Variants in GAK observed in about 807,000 individuals in gnomAD.
GAK encodes cyclin G associated kinase, also known as cyclin-G-associated kinase.
A neutral mutation model predicts 143.9 loss-of-function variants in GAK; 79 were observed. The observed-to-expected ratio is 0.55, with a 90% CI of 0.46 to 0.66. GAK has a LOEUF of 0.66. Ranked by LOEUF, GAK falls within the 30% of genes least tolerant of loss-of-function variation. The pLI, the probability that GAK is intolerant of heterozygous loss-of-function variation, is 0.00. For synonymous variants in GAK, 881 were observed against 765.5 expected, an observed-to-expected ratio of 1.15 and a Z score of -2.49; for missense variants, 1,693 against 1,779.7, an observed-to-expected ratio of 0.95 and a Z score of 0.88.
intron 18 of GAK, among the ~76,000 whole-genome samples, chr4:875,345 T>G (rs537379292): frequency 6.6e-6 from 1 of 151,944 alleles, no homozygotes; most frequent in East Asian, 1.9e-4. Flanking sequence ...AGACAAGAGA[T>G]GTAAAAAAAG....
chr4:853,727 T>G (rs958557013), intron 24 of GAK: 1 of 152,480 alleles, frequency 6.6e-6, no homozygotes, highest in Non-Finnish European at 1.5e-5. Context: ...TCGGTGATGC[T>G]GGGTGTCTCA....
intron 1 of GAK, among the ~76,000 whole-genome samples, chr4:923,442 G>A (rs1174896780): frequency 6.6e-6 from 1 of 152,156 alleles, no homozygotes; most frequent in African/African-American, 2.4e-5. Context: ...GCCGAGGTGG[G>A]AGAATCACTT....
At chr4:878,510 T>C (rs1027317115) in intron 15 of GAK, among the ~76,000 whole-genome samples, 41 of 152,222 alleles carry the variant, frequency 2.7e-4, no homozygotes, top group African/African-American at 9.6e-4. Flanking sequence ...TGTGTTTTTC[T>C]ATTGTTGGGT....
chr4:870,914 C>T lies in GAK; in HGVS notation c.2055-10G>A. The stretch of plus-strand genomic sequence containing the variant: ...CGCGTCCAGGTCATACCTGCGGTTA[C>T]AAGTAGACACCACTTAGGAAGGCCA... On this transcript the variant is annotated splice_polypyrimidine_tract_variant and intron_variant, in intron 18 of 27. Transcript: ENST00000314167. 1 of 1,602,044 alleles carries T rather than the reference C, an allele frequency of 6.2e-7. No homozygotes were observed. Among genetic ancestry groups the T allele is most frequent in the Admixed American group, 1.7e-5 (1 of 57,778 alleles).
At chr4:884,898 T>C (rs1012307169) in intron 11 of GAK, among the ~76,000 whole-genome samples, 11 of 152,084 alleles carry the variant, frequency 7.2e-5, no homozygotes, top group Non-Finnish European at 1.6e-4. Flanking sequence ...TGGATAAAGG[T>C]CCAGAGAGAT....
chr4:883,245 A>C (rs1276629894), intron 13 of GAK, 70 bp downstream of exon 13: 29 of 1,553,012 alleles, frequency 1.9e-5, no homozygotes, highest in Non-Finnish European at 2.4e-5. Flanking sequence ...CAAAGCCCTC[A>C]GCTATGCCCC....
Position 912,076 on chromosome 4 carries a change from G to A in GAK, c.268-289C>T, listed in dbSNP as rs181629965. ...TCCATCCCGCGCGTGGCAGGAGGAG[G>A]CAGGGCCCTCAGGGGGCTGTGCGCA... On this transcript the variant is annotated intron_variant, in intron 3 of 27. Transcript: ENST00000314167. 30 of 474,698 alleles carry A rather than the reference G, an allele frequency of 6.3e-5. 1 individual carries two copies. In the East Asian group the frequency reaches 1.8e-3, roughly 29 times the overall value. 29.4% of individuals were successfully genotyped at this position (474,698 alleles called of 1,614,324 possible).
Position 849,985 on chromosome 4 carries a change from G to A in GAK, c.3741C>T (p.Ser1247=), listed in dbSNP as rs1353998500. Residue 1247 remains serine, a synonymous_variant, in exon 27 of 28, where the codon AGC becomes AGT. Coordinates refer to ENST00000314167, the MANE Select transcript of GAK (RefSeq NM_005255.4). ...TLHTVLWDGE[S]RWTPVGMADL... ...CGGCCATGCCCACGGGCGTCCAGCGGCTCTCCCCGTCCCACAGCACTGTGT... is the reference window on the plus strand; with the variant it reads ...CGGCCATGCCCACGGGCGTCCAGCGACTCTCCCCGTCCCACAGCACTGTGT... The A allele has an allele frequency of 1.2e-6, 2 of 1,611,530 alleles. No homozygotes were observed. Among genetic ancestry groups the A allele is most frequent in the Non-Finnish European group, 1.7e-6 (2 of 1,179,348 alleles).
At chr4:900,146 A>G (rs1309894294) in intron 5 of GAK, among the ~76,000 whole-genome samples, 1 of 152,250 alleles carries the variant, frequency 6.6e-6, no homozygotes, top group East Asian at 1.9e-4. Context: ...TTCCCATTCT[A>G]CAGCCAACAG....
At chr4:885,412 C>A (rs917105636) in intron 11 of GAK, among the ~76,000 whole-genome samples, 1 of 152,204 alleles carries the variant, frequency 6.6e-6, no homozygotes, top group African/African-American at 2.4e-5. Flanking sequence ...CCCCACTGCT[C>A]CTGTACCACG....
intron 13 of GAK, 150 bp from the exon 14 acceptor site, chr4:882,969 G>A (rs1229288132): frequency 2.1e-6 from 2 of 974,830 alleles, no homozygotes; most frequent in Non-Finnish European, 3.0e-6. Flanking sequence ...GAGCACCAGG[G>A]CTGCCACTGG....
In GAK at chr4:866,392, T is replaced by A; in HGVS notation, c.3015A>T (p.Pro1005=). The A allele has an allele frequency of 1.9e-6, 3 of 1,613,916 alleles. No individual in the cohort carries two copies. Among genetic ancestry groups the A allele is most frequent in the Non-Finnish European group, 2.5e-6 (3 of 1,179,936 alleles). ...SFPSAHSAPP[P]SCSADFLHLG... is the part of the protein sequence containing the mutation. ...GGTGCAGGAAGTCGGCGCTGCAGGATGGGGGCGGAGCACTGTGGGCAGACG... is the reference window on the plus strand; with the variant it reads ...GGTGCAGGAAGTCGGCGCTGCAGGAAGGGGGCGGAGCACTGTGGGCAGACG... The change falls in exon 22 of 28, where the codon CCA becomes CCT. Residue 1005 remains proline (P), a synonymous_variant. Coordinates refer to ENST00000314167, the MANE Select transcript of GAK (RefSeq NM_005255.4).
chr4:865,773 C>T (rs989644349), intron 22 of GAK, among the ~76,000 whole-genome samples: 6 of 152,254 alleles, frequency 3.9e-5, no homozygotes, highest in African/African-American at 1.4e-4. Context: ...CAGAGTACGC[C>T]GTGGACCACG....
intron 21 of GAK, 135 bp downstream of exon 21, chr4:866,821 G>A: frequency 1.4e-6 from 1 of 728,938 alleles, no homozygotes. Flanking sequence ...CCCCGAGGCT[G>A]CTCCTGGGGG....
In GAK at chr4:866,450, T is replaced by A; in HGVS notation, c.2957A>T (p.Asn986Ile). Residue 986 changes from asparagine to isoleucine, a missense_variant, in exon 22 of 28, where the codon AAT becomes ATT. This residue lies in a region of GAK where 822 missense variants were observed against 788.7 expected (regional missense o/e 1.04). Transcript: ENST00000314167. ...TGGTGGGACGGTCACAGAGTCCGAA[T>A]TGAGAAATTCGCCGAAGAGATCAGG... The part of the protein sequence containing the change: ...SNPDLFGEFL[N>I]SDSVTVPPSF... 1 of 1,614,056 alleles carries A rather than the reference T, an allele frequency of 6.2e-7. No homozygotes were observed. Among genetic ancestry groups the A allele is most frequent in the Non-Finnish European group, 8.5e-7 (1 of 1,179,972 alleles).
chr4:922,851 C>T (rs1724122336), intron 1 of GAK, among the ~76,000 whole-genome samples: 1 of 152,178 alleles, frequency 6.6e-6, no homozygotes, highest in Non-Finnish European at 1.5e-5. Flanking sequence ...AACCTATACG[C>T]AAGTGTCACA....
chr4:876,686 T>G lies in GAK; in HGVS notation c.1975-77A>C, dbSNP rs548260806. The G allele has an allele frequency of 2.3e-6, 3 of 1,285,550 alleles. No individual in the cohort carries two copies. The African/African-American group carries it at 4.4e-5, about 19-fold the overall frequency. 79.6% of individuals were successfully genotyped at this position (1,285,550 alleles called of 1,614,324 possible). A position where few individuals can be genotyped will look rare whatever the true frequency, so the allele number is the denominator to read the frequency against. ...GGGGCCACAGGCCAATTTTTCCCAA[T>G]GGGCGAGATCTGAGAGCGGCTCATG... is the stretch of plus-strand genomic sequence containing the variant. On this transcript the variant is annotated intron_variant, in intron 17 of 27. Coordinates refer to ENST00000314167, the MANE Select transcript of GAK (RefSeq NM_005255.4).
chr4:904,594 G>A (rs373877371), intron 5 of GAK, 43 bp downstream of exon 5: 149 of 1,520,450 alleles, frequency 9.8e-5, no homozygotes, highest in Non-Finnish European at 1.2e-4. Context: ...AGTGGGACCC[G>A]CACACAGAGG....
At chr4:855,052 A>C (rs1255942471) in intron 24 of GAK, among the ~76,000 whole-genome samples, 4 of 152,158 alleles carry the variant, frequency 2.6e-5, no homozygotes, top group Non-Finnish European at 5.9e-5. Flanking sequence ...TCAAAAAAAT[A>C]AACTATTCCA....
Sources: gnomAD v4.1 joint callset for allele counts (sites outside exome capture counted in the v4.1 genomes callset) on GRCh38, gnomAD v4.1.1 for gene constraint, gnomAD v4.1.1 regional missense constraint, MANE v1.5 for transcripts, NCBI Gene and HGNC (gene_info 2026-07-23, HGNC 2026-07-21) for gene names.